USP40: variants seen among roughly 807,000 people sequenced by gnomAD.
USP40 encodes ubiquitin carboxyl-terminal hydrolase 40.
A neutral mutation model predicts 166.2 loss-of-function variants in USP40; 143 were observed. That is an observed-to-expected ratio of 0.86 (90% CI 0.75 to 0.99). The LOEUF (loss-of-function observed/expected upper bound fraction) is 0.99. Ranked by LOEUF, USP40 falls within the 50% of genes least tolerant of loss-of-function variation. USP40 has a pLI of 0.00. For synonymous variants in USP40, 498 were observed against 524.0 expected, an observed-to-expected ratio of 0.95 and a Z score of 0.68; for missense variants, 1,444 against 1,479.7, an observed-to-expected ratio of 0.98 and a Z score of 0.40.
intron 11 of USP40, among the ~76,000 whole-genome samples, chr2:233,530,027 T>G (rs771635886): frequency 5.3e-5 from 8 of 151,940 alleles, no homozygotes; most frequent in Non-Finnish European, 1.2e-4. Flanking sequence ...TTTGAACTCC[T>G]GGCCTCAAGT....
chr2:233,544,302 C>A (rs998578573), intron 8 of USP40, among the ~76,000 whole-genome samples: 1 of 150,194 alleles, frequency 6.7e-6, no homozygotes, highest in Non-Finnish European at 1.5e-5. Context: ...TCCGTGGAGT[C>A]GCGGTGGCCA....
At chr2:233,548,163 G>GA (rs1261635420) in intron 8 of USP40, among the ~76,000 whole-genome samples, 1 of 151,938 alleles carries the variant, frequency 6.6e-6, no homozygotes, top group Non-Finnish European at 1.5e-5. Context: ...TTTTCAAGTG[G>GA]AAAAAAATCC....
At chr2:233,518,597 A>G (rs1365823272) in intron 18 of USP40, among the ~76,000 whole-genome samples, 1 of 151,770 alleles carries the variant, frequency 6.6e-6, no homozygotes, top group Non-Finnish European at 1.5e-5. Flanking sequence ...GATAATCACA[A>G]TTAATCACAG....
intron 31 of USP40, among the ~76,000 whole-genome samples, chr2:233,478,077 C>T (rs991554917): frequency 3.3e-5 from 5 of 152,264 alleles, no homozygotes; most frequent in South Asian, 4.1e-4. Flanking sequence ...AGAAAGCCTC[C>T]GCGGCCCACC....
chr2:233,507,898 AT>A (rs2066540428), intron 21 of USP40, among the ~76,000 whole-genome samples: 1 of 151,430 alleles, frequency 6.6e-6, no homozygotes, highest in African/African-American at 2.4e-5. Context: ...AAATACCCTG[AT>A]TTAATCATTA....
rs1219133858 is a variant in USP40, at chr2:233,556,705, T to C, written c.546+150A>G. The C allele has an allele frequency of 1.5e-5, 9 of 618,514 alleles. No individual in the cohort carries two copies. The Admixed American group carries it at 2.4e-4, about 16-fold the overall frequency. The allele number at this position is 618,514 out of a possible 1,614,324, so 38.3% of individuals were successfully genotyped here. On this transcript the variant is annotated intron_variant, in intron 5 of 31. Coordinates refer to ENST00000678225, the MANE Select transcript of USP40 (RefSeq NM_001365479.2). Reference sequence around the variant, plus strand: ...TGGAGAAATCTGGATTATAGGCTCATGATTTAGGTGTAGTTAGAAGAAAAA... The same window carrying C: ...TGGAGAAATCTGGATTATAGGCTCACGATTTAGGTGTAGTTAGAAGAAAAA...
At chr2:233,523,594 A>G in intron 15 of USP40, 105 bp from the exon 16 acceptor site, 1 of 1,134,758 alleles carries the variant, frequency 8.8e-7, no homozygotes, top group Non-Finnish European at 1.2e-6. Context: ...ATTTTTTCCA[A>G]GTAAAATAAA....
chr2:233,529,368 G>T, intron 12 of USP40, 63 bp downstream of exon 12: 1 of 1,338,844 alleles, frequency 7.5e-7, no homozygotes. Flanking sequence ...GAATGCTTAA[G>T]GCCTAAATCA....
Position 233,523,188 on chromosome 2 carries a change from TC to T in USP40, c.2182del (p.Asp728IlefsTer9). 6.2e-7 allele frequency: 1 copy of T among 1,610,688 alleles called. No individual in the cohort carries two copies. Among genetic ancestry groups the T allele is most frequent in the Non-Finnish European group, 8.5e-7 (1 of 1,177,370 alleles). ...GAGTTACCTGTTATCATCATGAGAA[TC>T]CTGAATTAAAATTGAGCTTCCATTT... Reference protein sequence around the residue: ...LRNGSSILIQDSHDDNSLLTK... With the variant: ...LRNGSSILIQXSHDDNSLLTK... On this transcript the variant is annotated frameshift_variant, in exon 16 of 32. Transcript: ENST00000678225. LOFTEE classifies it high-confidence loss of function.
chr2:233,504,344 G>C (rs1025028899), intron 21 of USP40, among the ~76,000 whole-genome samples: 1 of 151,822 alleles, frequency 6.6e-6, no homozygotes, highest in African/African-American at 2.4e-5. Context: ...ATATAAAAGT[G>C]ACTGAATGGG....
At chr2:233,528,343 T>C (rs888895606) in intron 12 of USP40, among the ~76,000 whole-genome samples, 1 of 152,128 alleles carries the variant, frequency 6.6e-6, no homozygotes, top group Admixed American at 6.5e-5. Context: ...CTAAAAGTCC[T>C]TGGCAGCAGC....
chr2:233,495,400 C>G (rs1181657244), intron 24 of USP40, among the ~76,000 whole-genome samples: 1 of 151,064 alleles, frequency 6.6e-6, no homozygotes, highest in African/African-American at 2.4e-5. Flanking sequence ...TTTTATCTCT[C>G]TTCTTGTTTT....
chr2:233,549,168 C>A lies in USP40; in HGVS notation c.899G>T (p.Gly300Val). Reference protein sequence around the residue: ...DLFSVIIHKGGCYGGHYHVYI... With the variant: ...DLFSVIIHKGVCYGGHYHVYI... Reference sequence around the variant, plus strand: ...TACATGGTAATGGCCTCCGTAGCAGCCACCTTTGTGTATAATAACTGAGAA... The same window carrying A: ...TACATGGTAATGGCCTCCGTAGCAGACACCTTTGTGTATAATAACTGAGAA... Residue 300 changes from glycine to valine, a missense_variant, in exon 8 of 32, where the codon GGC (glycine) becomes GTC (valine). Transcript: ENST00000678225. 6.3e-7 allele frequency: 1 copy of A among 1,582,960 alleles called. No homozygotes were observed. Among genetic ancestry groups the A allele is most frequent in the Non-Finnish European group, 8.6e-7 (1 of 1,157,842 alleles).
At chr2:233,499,690 T>C (rs1026703248) in intron 22 of USP40, among the ~76,000 whole-genome samples, 189 bp downstream of exon 22, 3 of 152,204 alleles carry the variant, frequency 2.0e-5, no homozygotes, top group African/African-American at 7.2e-5. Context: ...CTCAGAGCTA[T>C]ACCATTAGTT....
At chr2:233,511,830 A>C (rs2125160596) in intron 19 of USP40, 33 bp from the exon 20 acceptor site, 1 of 1,486,804 alleles carries the variant, frequency 6.7e-7, no homozygotes, top group East Asian at 2.3e-5. Flanking sequence ...GATGAAGGTT[A>C]TTAATTCCTA....
chr2:233,488,360 ATT>A (rs145883223), intron 27 of USP40, 56 bp from the exon 28 acceptor site: 14 of 1,462,148 alleles, frequency 9.6e-6, no homozygotes, highest in Non-Finnish European at 1.3e-5. Flanking sequence ...ATTTTCTTGA[ATT>A]TTTTTTCCCC....
intron 5 of USP40, among the ~76,000 whole-genome samples, chr2:233,555,289 C>G (rs1424070440): frequency 6.6e-6 from 1 of 152,176 alleles, no homozygotes; most frequent in African/African-American, 2.4e-5. Flanking sequence ...TCTGCTATAA[C>G]TACATTTGAA....
intron 30 of USP40, chr2:233,481,622 C>T (rs893874796): frequency 3.0e-5 from 10 of 333,964 alleles, no homozygotes; most frequent in African/African-American, 1.3e-4. Flanking sequence ...CATCAGCACA[C>T]GGATCTCTCA....
intron 18 of USP40, among the ~76,000 whole-genome samples, chr2:233,516,717 A>C (rs2067223682): frequency 6.6e-6 from 1 of 151,076 alleles, no homozygotes; most frequent in African/African-American, 2.4e-5. Context: ...AATTAGCTGG[A>C]CGTGGTGGCA....
Sources: gnomAD v4.1 joint callset for allele counts (sites outside exome capture counted in the v4.1 genomes callset) on GRCh38, gnomAD v4.1.1 for gene constraint, MANE v1.5 for transcripts, NCBI Gene and HGNC (gene_info 2026-07-23, HGNC 2026-07-21) for gene names.